DDIT4: variants seen among roughly 807,000 people sequenced by gnomAD.
DDIT4 encodes the protein DNA damage inducible transcript 4.
A neutral mutation model predicts 20.2 loss-of-function variants in DDIT4; 20 were observed. The ratio of observed to expected loss-of-function variants is 0.99; its 90% CI spans 0.70 to 1.44. The LOEUF is 1.44. Among genes scored for constraint, DDIT4 ranks in the 40% most tolerant of loss-of-function variants. The pLI, the probability that DDIT4 is intolerant of heterozygous loss-of-function variation, is 0.00. For synonymous variants in DDIT4, 152 were observed against 144.6 expected, an observed-to-expected ratio of 1.05 and a Z score of -0.37; for missense variants, 316 against 298.1, an observed-to-expected ratio of 1.06 and a Z score of -0.44.
Position 72,273,992 on chromosome 10 carries a change from C to A in DDIT4, c.-129C>A. 2.1e-6 allele frequency: 1 copy of A among 478,618 alleles called. No individual in the cohort carries two copies. The highest frequency in any genetic ancestry group is 3.8e-6 in the Non-Finnish European group (1 of 266,566). 29.6% of individuals were successfully genotyped at this position (478,618 alleles called of 1,614,324 possible). ...TCTGGGCGGCTCTCGGTGGTTGGCA[C>A]GGGTTCGCACACCCATTCAAGCGGC... is the stretch of plus-strand genomic sequence containing the variant. On this transcript the variant is annotated 5_prime_UTR_variant, in exon 1 of 3. Transcript: ENST00000307365.
At position 72,274,874 on chromosome 10, in the gene DDIT4, A is replaced by G; in HGVS notation, c.385A>G (p.Lys129Glu). The G allele has an allele frequency of 6.2e-7, 1 of 1,613,356 alleles. No individual in the cohort carries two copies. The highest frequency in any genetic ancestry group is 8.5e-7 in the Non-Finnish European group (1 of 1,179,988). ...MPSQLVSQVG[K>E]ELLRLAYSEP... The stretch of plus-strand genomic sequence containing the variant: ...TAGCCAGTTGGTAAGCCAGGTGGGC[A>G]AAGAACTACTGCGCCTGGCCTACAG... The change falls in exon 3 of 3, where the codon AAA becomes GAA. Residue 129 changes from lysine (K) to glutamate (E), a missense_variant. Physicochemically the swap from Lys to Glu is moderately conservative, Grantham distance 56. Transcript: ENST00000307365.
At position 72,275,200 on chromosome 10, in the gene DDIT4, AGG is replaced by A. The variant is rs759476392; in HGVS notation, c.*16_*17del. 1 of 1,600,082 alleles carries A rather than the reference AGG, an allele frequency of 6.2e-7. No individual in the cohort carries two copies. The highest frequency in any genetic ancestry group is 1.3e-5 in the African/African-American group (1 of 74,862). ...TTGAGGAGTGTTGAACTTCAACCTG[AGG>A]GGGCCGACAGTGCCCTCCAAGACAG... On this transcript the variant is annotated 3_prime_UTR_variant, in exon 3 of 3. Coordinates refer to ENST00000307365, the MANE Select transcript of DDIT4 (RefSeq NM_019058.4).
chr10:72,274,293 C>T lies in DDIT4; in HGVS notation c.77C>T (p.Pro26Leu). The part of the protein sequence containing the change: ...SPSSLPRTPT[P>L]DRPPRSAWGS... ...TCGTCCTTGCCCCGAACTCCCACCCCAGATCGGCCGCCGCGCTCAGCCTGG... is the reference window on the plus strand; with the variant it reads ...TCGTCCTTGCCCCGAACTCCCACCCTAGATCGGCCGCCGCGCTCAGCCTGG... Residue 26 changes from proline (P) to leucine (L), a missense_variant, in exon 2 of 3, where the codon CCA (proline) becomes CTA (leucine). Physicochemically the swap from Pro to Leu is moderately conservative, Grantham distance 98. Coordinates refer to ENST00000307365, the MANE Select transcript of DDIT4 (RefSeq NM_019058.4). 1.9e-6 allele frequency: 3 copies of T among 1,613,460 alleles called. No individual in the cohort carries two copies. The South Asian group carries it at 3.3e-5, about 18-fold the overall frequency.
In DDIT4 at chr10:72,274,744, T is replaced by C; in HGVS notation, c.255T>C (p.Ser85=). The change falls in exon 3 of 3, where the codon AGT becomes AGC. Residue 85 remains serine (S), a synonymous_variant. Coordinates refer to ENST00000307365, the MANE Select transcript of DDIT4 (RefSeq NM_019058.4). The part of the protein sequence containing the change: ...GVSLPDFELL[S]DPEDEHLCAN... ...CGTTGCCCGACTTCGAGCTGCTCAGTGACCCTGAGGATGAACACTTGTGTG... is the reference window on the plus strand; with the variant it reads ...CGTTGCCCGACTTCGAGCTGCTCAGCGACCCTGAGGATGAACACTTGTGTG... 6.2e-7 allele frequency: 1 copy of C among 1,613,850 alleles called. No individual in the cohort carries two copies. The highest frequency in any genetic ancestry group is 1.1e-5 in the South Asian group (1 of 91,052).
In DDIT4 at chr10:72,275,948, T is replaced by C. The variant is rs1285774708; in HGVS notation, c.*760T>C. 6.6e-6 allele frequency: 1 copy of C among 152,670 alleles called. No individual in the cohort carries two copies. Among genetic ancestry groups the C allele is most frequent in the Non-Finnish European group, 1.5e-5 (1 of 68,058 alleles). The allele number at this position is 152,670 out of a possible 1,614,324, so 9.5% of individuals were successfully genotyped here. A position where few individuals can be genotyped will look rare whatever the true frequency, so the allele number is the denominator to read the frequency against. On this transcript the variant is annotated 3_prime_UTR_variant, in exon 3 of 3. Coordinates refer to ENST00000307365, the MANE Select transcript of DDIT4 (RefSeq NM_019058.4). ...TAGAACTGTTTACATGAAGATAAGA[T>C]ACTCACTGTTCATGAATACACTTGA...
Position 72,274,009 on chromosome 10 carries a change from T to G in DDIT4, c.-112T>G. 3.4e-6 allele frequency: 2 copies of G among 591,908 alleles called. No homozygotes were observed. Among genetic ancestry groups the G allele is most frequent in the Non-Finnish European group, 6.0e-6 (2 of 330,686 alleles). 36.7% of individuals were successfully genotyped at this position (591,908 alleles called of 1,614,324 possible). On this transcript the variant is annotated 5_prime_UTR_variant, in exon 1 of 3. In the 5' UTR this introduces an upstream ATG that the reference lacks. Coordinates refer to ENST00000307365, the MANE Select transcript of DDIT4 (RefSeq NM_019058.4). ...GGTTGGCACGGGTTCGCACACCCATTCAAGCGGCAGGACGCACTTGTCTTA... is the reference window on the plus strand; with the variant it reads ...GGTTGGCACGGGTTCGCACACCCATGCAAGCGGCAGGACGCACTTGTCTTA...
intron 2 of DDIT4, 135 bp downstream of exon 2, chr10:72,274,556 A>C (rs960604142): frequency 2.1e-6 from 3 of 1,414,492 alleles, no homozygotes. Context: ...GGGGAATTGG[A>C]GTATAAGGTG....
Position 72,275,044 on chromosome 10 carries a change from CTGGCCCAAGA to C in DDIT4, c.557_566del (p.Trp186SerfsTer20). Reference sequence around the variant, plus strand: ...TCGTGCTGCGCCTGGACTCACGACTCTGGCCCAAGATCCAGGGGCTGTTTAGCTCCGCCAA... The same window carrying C: ...TCGTGCTGCGCCTGGACTCACGACTCTCCAGGGGCTGTTTAGCTCCGCCAA... On this transcript the variant is annotated frameshift_variant, in exon 3 of 3. Transcript: ENST00000307365. LOFTEE classifies it high-confidence loss of function. The C allele has an allele frequency of 6.2e-7, 1 of 1,613,642 alleles. No individual in the cohort carries two copies. The highest frequency in any genetic ancestry group is 8.5e-7 in the Non-Finnish European group (1 of 1,180,012).
rs949519649 is a variant in DDIT4 at position 72,274,104 on chromosome 10, G to A, written c.-61+44G>A. On this transcript the variant is annotated intron_variant, in intron 1 of 2. Coordinates refer to ENST00000307365, the MANE Select transcript of DDIT4 (RefSeq NM_019058.4). ...TGTGGGTCCTAGAGCTCGCGGTCTG[G>A]TCTGGTCTGGTCCCCAGACTGACGC... The A allele has an allele frequency of 7.0e-6, 6 of 853,658 alleles. No homozygotes were observed. The African/African-American group carries it at 9.9e-5, about 14-fold the overall frequency. The allele number at this position is 853,658 out of a possible 1,614,324, so 52.9% of individuals were successfully genotyped here.
rs1860807476 is a variant in DDIT4, at chr10:72,274,811, C to T, written c.322C>T (p.Arg108Trp). The T allele has an allele frequency of 3.1e-6, 5 of 1,613,760 alleles. No individual in the cohort carries two copies. The highest frequency in any genetic ancestry group is 4.2e-6 in the Non-Finnish European group (5 of 1,180,022). Residue 108 changes from arginine to tryptophan, a missense_variant, in exon 3 of 3, where the codon CGG becomes TGG. Arg to Trp is a moderately radical substitution (Grantham distance 101, BLOSUM62 -3). Coordinates refer to ENST00000307365, the MANE Select transcript of DDIT4 (RefSeq NM_019058.4). The part of the protein sequence containing the change: ...QLLQESLAQA[R>W]LGSRRPARLL... ...GCTGCAGGAGAGCCTGGCCCAGGCG[C>T]GGCTGGGCTCTCGACGCCCTGCGCG...
At position 72,275,262 on chromosome 10, in the gene DDIT4, A is replaced by G. The variant is rs775533376; in HGVS notation, c.*74A>G. ...AACTTTTGGGGTGGAGACTAGAGGC[A>G]GGAGCTGAGGGACTGATTCCTGTGG... On this transcript the variant is annotated 3_prime_UTR_variant, in exon 3 of 3. Transcript: ENST00000307365. The G allele has an allele frequency of 4.7e-5, 70 of 1,487,812 alleles. No homozygotes were observed. Among genetic ancestry groups the G allele is most frequent in the Non-Finnish European group, 6.1e-5 (68 of 1,113,694 alleles). The allele number at this position is 1,487,812 out of a possible 1,614,324, so 92.2% of individuals were successfully genotyped here. A position where few individuals can be genotyped will look rare whatever the true frequency, so the allele number is the denominator to read the frequency against.
rs1860814356 is a variant in DDIT4 at position 72,275,141 on chromosome 10, A to C, written c.652A>C (p.Lys218Gln). The C allele has an allele frequency of 1.9e-6, 3 of 1,613,048 alleles. No homozygotes were observed. The highest frequency in any genetic ancestry group is 2.5e-6 in the Non-Finnish European group (3 of 1,180,008). ...GCTGAGCACTGGCTTCCGAGTCATC[A>C]AGAAGAAGCTGTACAGCTCGGAACA... ...LTLSTGFRVIKKKLYSSEQLL... is the reference protein window; with the variant it reads ...LTLSTGFRVIQKKLYSSEQLL... Residue 218 changes from lysine to glutamine, a missense_variant, in exon 3 of 3, where the codon AAG (lysine) becomes CAG (glutamine). By Grantham distance (53) the Lys-to-Gln change is moderately conservative (BLOSUM62 1). Coordinates refer to ENST00000307365, the MANE Select transcript of DDIT4 (RefSeq NM_019058.4).
rs1860820489 is a variant in DDIT4 at position 72,275,555 on chromosome 10, A to G, written c.*367A>G. 4.6e-6 allele frequency: 1 copy of G among 219,222 alleles called. No individual in the cohort carries two copies. Among genetic ancestry groups the G allele is most frequent in the Non-Finnish European group, 9.3e-6 (1 of 107,794 alleles). The allele number at this position is 219,222 out of a possible 1,614,324, so 13.6% of individuals were successfully genotyped here. ...GCCCCAGCCCGGCCCAGGGTGAAGG[A>G]AGAGGCACGTGCTCCTCAGAGCAGC... On this transcript the variant is annotated 3_prime_UTR_variant, in exon 3 of 3. Coordinates refer to ENST00000307365, the MANE Select transcript of DDIT4 (RefSeq NM_019058.4).
At chr10:72,274,527 C>G (rs1860803220) in intron 2 of DDIT4, 106 bp downstream of exon 2, 1 of 1,416,780 alleles carries the variant, frequency 7.1e-7, no homozygotes, top group African/African-American at 1.4e-5. Flanking sequence ...CCATCGGGAC[C>G]CAGATTGCTT....
In DDIT4 at chr10:72,275,017, C is replaced by T. The variant is rs549687552; in HGVS notation, c.528C>T (p.Thr176=). ...DPSLVPTFQL[T]LVLRLDSRLW... is the part of the protein sequence containing the mutation. The stretch of plus-strand genomic sequence containing the variant: ...GCCTGGTGCCCACCTTCCAGCTGAC[C>T]CTCGTGCTGCGCCTGGACTCACGAC... The change falls in exon 3 of 3, where the codon ACC becomes ACT. Residue 176 remains threonine, a synonymous_variant. Coordinates refer to ENST00000307365, the MANE Select transcript of DDIT4 (RefSeq NM_019058.4). 6.2e-7 allele frequency: 1 copy of T among 1,613,528 alleles called. No homozygotes were observed. Among genetic ancestry groups the T allele is most frequent in the African/African-American group, 1.3e-5 (1 of 75,068 alleles).
chr10:72,273,991 ACGGG>A lies in DDIT4; in HGVS notation c.-129_-126del. 1.6e-5 allele frequency: 7 copies of A among 432,424 alleles called. No homozygotes were observed. The highest frequency in any genetic ancestry group is 3.5e-5 in the South Asian group (1 of 28,956). The allele number at this position is 432,424 out of a possible 1,614,324, so 26.8% of individuals were successfully genotyped here. A position where few individuals can be genotyped will look rare whatever the true frequency, so the allele number is the denominator to read the frequency against. On this transcript the variant is annotated 5_prime_UTR_variant, in exon 1 of 3. Coordinates refer to ENST00000307365, the MANE Select transcript of DDIT4 (RefSeq NM_019058.4). ...GTCTGGGCGGCTCTCGGTGGTTGGCACGGGTTCGCACACCCATTCAAGCGGCAGG... is the reference window on the plus strand; with the variant it reads ...GTCTGGGCGGCTCTCGGTGGTTGGCATTCGCACACCCATTCAAGCGGCAGG...
intron 2 of DDIT4, 24 bp from the exon 3 acceptor site, chr10:72,274,671 C>T (rs535610432): frequency 1.3e-6 from 2 of 1,590,218 alleles, no homozygotes; most frequent in Non-Finnish European, 1.7e-6. Flanking sequence ...TCTAATACCC[C>T]TTCCTGTGTG....
At position 72,274,000 on chromosome 10, in the gene DDIT4, C is replaced by CCGTATCATTAT; in HGVS notation, c.-121_-120insCGTATCATTAT. The stretch of plus-strand genomic sequence containing the variant: ...GCTCTCGGTGGTTGGCACGGGTTCG[C>CCGTATCATTAT]ACACCCATTCAAGCGGCAGGACGCA... On this transcript the variant is annotated 5_prime_UTR_variant, in exon 1 of 3. Transcript: ENST00000307365. The CCGTATCATTAT allele has an allele frequency of 2.1e-6, 1 of 479,116 alleles. No homozygotes were observed. Among genetic ancestry groups the CCGTATCATTAT allele is most frequent in the Non-Finnish European group, 3.7e-6 (1 of 268,404 alleles). The allele number at this position is 479,116 out of a possible 1,614,324, so 29.7% of individuals were successfully genotyped here.
Position 72,273,990 on chromosome 10 carries a change from CACGGGTT to C in DDIT4, c.-130_-124del. 2 of 559,236 alleles carry C rather than the reference CACGGGTT, an allele frequency of 3.6e-6. No individual in the cohort carries two copies. Among genetic ancestry groups the C allele is most frequent in the Non-Finnish European group, 3.2e-6 (1 of 311,358 alleles). 34.6% of individuals were successfully genotyped at this position (559,236 alleles called of 1,614,324 possible). A position where few individuals can be genotyped will look rare whatever the true frequency, so the allele number is the denominator to read the frequency against. On this transcript the variant is annotated 5_prime_UTR_variant, in exon 1 of 3. Coordinates refer to ENST00000307365, the MANE Select transcript of DDIT4 (RefSeq NM_019058.4). The stretch of plus-strand genomic sequence containing the variant: ...GGTCTGGGCGGCTCTCGGTGGTTGG[CACGGGTT>C]CGCACACCCATTCAAGCGGCAGGAC...
Sources: allele counts gnomAD v4.1 joint callset, GRCh38; gene constraint gnomAD v4.1.1; transcripts MANE v1.5; gene names NCBI Gene and HGNC (gene_info 2026-07-23, HGNC 2026-07-21).